The following FRMD6 variants were observed in gnomAD, a reference collection of about 807,000 sequenced individuals.
The protein encoded by FRMD6 is FERM domain-containing protein 6.
In FRMD6, 37 loss-of-function variants were observed where a neutral mutation model predicts 73.2. The ratio of observed to expected loss-of-function variants is 0.51; its 90% CI spans 0.39 to 0.66. The LOEUF (loss-of-function observed/expected upper bound fraction) is 0.66. Ranked by LOEUF, FRMD6 falls within the 30% of genes least tolerant of loss-of-function variation. The probability of loss-of-function intolerance (pLI) is 0.00; values close to 1 mark genes in which losing one functional copy is unlikely to be tolerated. For missense variants in FRMD6, 714 were observed against 780.5 expected, an observed-to-expected ratio of 0.91 and a Z score of 1.02; for synonymous variants, 273 against 282.2, an observed-to-expected ratio of 0.97 and a Z score of 0.33.
At chr14:51,517,406 A>C (rs7141719) in intron 1 of FRMD6, among the ~76,000 whole-genome samples, 1 of 152,218 alleles carries the variant, frequency 6.6e-6, no homozygotes, top group Admixed American at 6.5e-5. Flanking sequence ...TCACATAGAT[A>C]TAAAAATCCT....
At chr14:51,644,497 A>AT (rs1433243423) in intron 2 of FRMD6, among the ~76,000 whole-genome samples, 6 of 152,198 alleles carry the variant, frequency 3.9e-5, no homozygotes, top group Admixed American at 6.5e-5. Flanking sequence ...GAATGGGGCC[A>AT]TAGCAGTTAG....
At chr14:51,414,637 G>A in the FRMD6 span, among the ~76,000 whole-genome samples, 914 of 152,254 alleles carry the variant, frequency 6.0e-3, 11 homozygotes, top group African/African-American at 0.021. Context: ...GGCAATGCAG[G>A]CTCTTTTTTG....
At chr14:51,623,174 C>T (rs1033540383) in intron 2 of FRMD6, among the ~76,000 whole-genome samples, 5 of 152,210 alleles carry the variant, frequency 3.3e-5, no homozygotes, top group Middle Eastern at 6.8e-3. Context: ...AGAGCAACAC[C>T]TTAGGTATAT....
the FRMD6 span, among the ~76,000 whole-genome samples, chr14:51,408,601 C>T: frequency 6.6e-6 from 1 of 152,144 alleles, no homozygotes; most frequent in African/African-American, 2.4e-5. Context: ...CCCTTTTACT[C>T]ATATTACAAT....
At chr14:51,417,773 C>T in the FRMD6 span, among the ~76,000 whole-genome samples, 9 of 152,208 alleles carry the variant, frequency 5.9e-5, no homozygotes, top group Admixed American at 2.0e-4. Flanking sequence ...TTCTCCCTGT[C>T]GCTTTCAGGT....
At chr14:51,550,584 C>CCT (rs1480841503) in intron 1 of FRMD6, among the ~76,000 whole-genome samples, 1 of 150,952 alleles carries the variant, frequency 6.6e-6, no homozygotes, top group South Asian at 2.1e-4. Flanking sequence ...GAGGAGACCC[C>CCT]CCCGCCATGC....
intron 1 of FRMD6, chr14:51,489,522 G>A (rs1882872817): frequency 6.6e-6 from 1 of 152,398 alleles, no homozygotes; most frequent in African/African-American, 2.4e-5. Flanking sequence ...AATCATCGAA[G>A]GGTTTAAATA....
chr14:51,492,618 A>T (rs942324856), intron 1 of FRMD6, among the ~76,000 whole-genome samples: 1 of 152,204 alleles, frequency 6.6e-6, no homozygotes, highest in Non-Finnish European at 1.5e-5. Flanking sequence ...TTTCATTTTC[A>T]AAGAGTTTCT....
intron 1 of FRMD6, among the ~76,000 whole-genome samples, chr14:51,495,526 C>T (rs1246591350): frequency 6.6e-6 from 1 of 152,188 alleles, no homozygotes. Context: ...AAACCAGCAA[C>T]AAATACAAGC....
chr14:51,600,526 A>G (rs1018664478), intron 2 of FRMD6, among the ~76,000 whole-genome samples: 7 of 152,222 alleles, frequency 4.6e-5, no homozygotes, highest in African/African-American at 1.7e-4. Flanking sequence ...CTTCCTTCAA[A>G]GTTCCTGACA....
chr14:51,486,285 C>G (rs762484935), upstream of FRMD6, among the ~76,000 whole-genome samples: 1 of 152,106 alleles, frequency 6.6e-6, no homozygotes, highest in Non-Finnish European at 1.5e-5. Context: ...CCGCCCTCCT[C>G]GGCCTCCCAA....
chr14:51,661,492 C>A (rs1311471466), intron 1 of FRMD6, among the ~76,000 whole-genome samples: 1 of 152,072 alleles, frequency 6.6e-6, no homozygotes, highest in Admixed American at 6.5e-5. Context: ...CGTTGATGGT[C>A]TTGGGCTAAA....
intron 1 of FRMD6, among the ~76,000 whole-genome samples, chr14:51,561,020 C>T (rs996612251): frequency 2.0e-5 from 3 of 152,244 alleles, no homozygotes; most frequent in African/African-American, 4.8e-5. Flanking sequence ...TTAAGCCCCT[C>T]TTCCTGCTGT....
chr14:51,552,184 A>G (rs186691867), intron 1 of FRMD6, among the ~76,000 whole-genome samples: 18 of 152,374 alleles, frequency 1.2e-4, no homozygotes, highest in African/African-American at 4.1e-4. Flanking sequence ...TGAAAAGTTC[A>G]CATGGAAAAA....
intron 2 of FRMD6, among the ~76,000 whole-genome samples, chr14:51,611,281 A>G (rs987326020): frequency 6.6e-6 from 1 of 152,240 alleles, no homozygotes; most frequent in Non-Finnish European, 1.5e-5. Context: ...AGAACTTCCC[A>G]TAGAAATTCA....
chr14:51,552,455 C>T (rs749011089), intron 1 of FRMD6, among the ~76,000 whole-genome samples: 1 of 152,196 alleles, frequency 6.6e-6, no homozygotes, highest in Non-Finnish European at 1.5e-5. Context: ...AACCCTGATG[C>T]CCCTAGGGGC....
intron 6 of FRMD6, 103 bp from the exon 7 acceptor site, chr14:51,707,975 A>C: frequency 2.0e-6 from 2 of 1,019,332 alleles, no homozygotes; most frequent in Non-Finnish European, 3.0e-6. Context: ...ACCAGTTTAC[A>C]TGGCCTATTT....
intron 2 of FRMD6, among the ~76,000 whole-genome samples, chr14:51,601,256 T>C (rs541953939): frequency 1.3e-5 from 2 of 152,308 alleles, no homozygotes; most frequent in South Asian, 4.1e-4. Context: ...TGGCAGCCCC[T>C]GGGTCAAAGC....
the FRMD6 span, among the ~76,000 whole-genome samples, chr14:51,431,932 G>A: frequency 6.6e-6 from 1 of 152,280 alleles, no homozygotes; most frequent in Admixed American, 6.5e-5. Context: ...GTACCATTGA[G>A]CTGTGTGAGC....
Sources: allele counts gnomAD v4.1 joint callset (sites outside exome capture counted in the v4.1 genomes callset), GRCh38; gene constraint gnomAD v4.1.1; transcripts MANE v1.5; gene names NCBI Gene and HGNC (gene_info 2026-07-23, HGNC 2026-07-21).